PDE6B: variants seen among roughly 807,000 people sequenced by gnomAD.
PDE6B encodes rod cGMP-specific 3',5'-cyclic phosphodiesterase subunit beta.
A neutral mutation model predicts 109.0 loss-of-function variants in PDE6B; 106 were observed. The observed-to-expected ratio is 0.97, with a 90% CI of 0.83 to 1.14. The LOEUF (loss-of-function observed/expected upper bound fraction) is 1.14, where lower values mean the gene tolerates loss of function less well. Ranked by LOEUF, PDE6B falls within the 50% of genes most tolerant of loss-of-function variation. The probability of loss-of-function intolerance (pLI) is 0.00; values close to 1 mark genes in which losing one functional copy is unlikely to be tolerated. For missense variants in PDE6B, 1,193 were observed against 1,155.6 expected (o/e 1.03, Z -0.47); for synonymous variants, 490 against 471.3 (o/e 1.04, Z -0.51).
At position 636,741 on chromosome 4, in the gene PDE6B, C is replaced by T. The variant is rs960708970; in HGVS notation, c.711+772C>T. 4.6e-5 allele frequency among the ~76,000 whole-genome samples: 7 copies of T among 152,180 alleles called. No homozygotes were observed. The highest frequency in any genetic ancestry group is 2.6e-4 in the Admixed American group (4 of 15,286). On this transcript the variant is annotated intron_variant, in intron 3 of 21. Transcript: ENST00000496514. This position sits in a 1 kb window ranked among gnomAD's most constrained non-coding sequence, Gnocchi z 4.5. Reference sequence around the variant, plus strand: ...GGTCACCTGCTGCGAGCCTGCTGAACGTGGCGAGAGGCTGAGGTCTTTATC... The same window carrying T: ...GGTCACCTGCTGCGAGCCTGCTGAATGTGGCGAGAGGCTGAGGTCTTTATC...
At position 662,800 on chromosome 4, in the gene PDE6B, G is replaced by A. The variant is rs1737268588; in HGVS notation, c.1832+182G>A. Reference sequence around the variant, plus strand: ...AGCCCAGGAGTTCGAGACCAGCCTGGGCAACATGGCAAGAGCTCTCCTCTA... The same window carrying A: ...AGCCCAGGAGTTCGAGACCAGCCTGAGCAACATGGCAAGAGCTCTCCTCTA... On this transcript the variant is annotated intron_variant, in intron 14 of 21. Transcript: ENST00000496514. This position sits in a 1 kb window ranked among gnomAD's most constrained non-coding sequence, Gnocchi z 4.3. Among the ~76,000 whole-genome samples the A allele has an allele frequency of 6.6e-6, 1 of 150,766 alleles. No homozygotes were observed. The highest frequency in any genetic ancestry group is 1.5e-5 in the Non-Finnish European group (1 of 67,814).
At chr4:645,551 T>C (rs1048472826) in intron 3 of PDE6B, among the ~76,000 whole-genome samples, 7 of 151,974 alleles carry the variant, frequency 4.6e-5, no homozygotes, top group Non-Finnish European at 8.8e-5. Context: ...CGCCTCGGCC[T>C]CCCAAAGTGC....
At chr4:650,220 G>T (rs754606368) in intron 3 of PDE6B, among the ~76,000 whole-genome samples, 40 of 152,348 alleles carry the variant, frequency 2.6e-4, no homozygotes, top group Non-Finnish European at 4.3e-4. Context: ...CCTTGAAAAG[G>T]GGGTAGGTCC....
chr4:656,099 C>T, intron 7 of PDE6B, 93 bp downstream of exon 7: 1 of 1,036,386 alleles, frequency 9.6e-7, no homozygotes, highest in Non-Finnish European at 1.5e-6. Flanking sequence ...TCCCGCCCTC[C>T]CGGCCAGCTC....
Position 662,289 on chromosome 4 carries a change from C to A in PDE6B, c.1722+48C>A. The A allele has an allele frequency of 4.5e-6, 5 of 1,105,344 alleles. No individual in the cohort carries two copies. The highest frequency in any genetic ancestry group is 6.7e-6 in the Non-Finnish European group (5 of 740,912). The allele number at this position is 1,105,344 out of a possible 1,614,324, so 68.5% of individuals were successfully genotyped here. A position where few individuals can be genotyped will look rare whatever the true frequency, so the allele number is the denominator to read the frequency against. On this transcript the variant is annotated intron_variant, in intron 13 of 21. Transcript: ENST00000496514. The surrounding 1 kb of genome is among the most constrained non-coding windows in gnomAD (Gnocchi z 4.3). ...AGGGTTGTGCAGGCCCTCCTGGTAC[C>A]AAGGGCAGCACTCAAGCACCCCGAG... is the stretch of plus-strand genomic sequence containing the variant.
intron 3 of PDE6B, among the ~76,000 whole-genome samples, chr4:640,948 G>A (rs73219279): frequency 1.3e-5 from 2 of 152,352 alleles, no homozygotes; most frequent in Non-Finnish European, 2.9e-5. Context: ...TAGGTTTAGA[G>A]TAAGTCTTGA....
At chr4:629,258 C>T (rs1226823839) in intron 1 of PDE6B, among the ~76,000 whole-genome samples, 1 of 152,140 alleles carries the variant, frequency 6.6e-6, no homozygotes, top group Non-Finnish European at 1.5e-5. Context: ...GCAGGGACGC[C>T]GCCCACACCT....
chr4:640,398 G>T (rs1408142466), intron 3 of PDE6B, among the ~76,000 whole-genome samples: 1 of 151,998 alleles, frequency 6.6e-6, no homozygotes, highest in Non-Finnish European at 1.5e-5. Flanking sequence ...AATTAGCCAG[G>T]CATGGTGGCG....
At chr4:629,615 G>A (rs904903164) in intron 1 of PDE6B, among the ~76,000 whole-genome samples, 3 of 152,212 alleles carry the variant, frequency 2.0e-5, no homozygotes, top group Admixed American at 2.0e-4. Flanking sequence ...CTCATCACGG[G>A]GTCCTGCACG....
Position 664,161 on chromosome 4 carries a change from A to C in PDE6B, c.2069A>C (p.Gln690Pro), listed in dbSNP as rs1560135667. 2 of 1,612,168 alleles carry C rather than the reference A, an allele frequency of 1.2e-6. No individual in the cohort carries two copies. The highest frequency in any genetic ancestry group is 3.3e-5 in the Admixed American group (2 of 60,016). ...QKIVDESKNYQDKKSWVEYLS... is the reference protein window; with the variant it reads ...QKIVDESKNYPDKKSWVEYLS... ...ATCGTGGATGAGTCCAAGAACTACC[A>C]GGACAAGAAGAGCTGGGTGGAGTAC... Residue 690 changes from glutamine to proline, a missense_variant, in exon 17 of 22, where the codon CAG becomes CCG. Transcript: ENST00000496514.
chr4:654,958 A>G, intron 6 of PDE6B, 70 bp downstream of exon 6: 2 of 926,982 alleles, frequency 2.2e-6, no homozygotes, highest in Non-Finnish European at 3.6e-6. Flanking sequence ...CTCAGCCCCC[A>G]GGGCCGTCCT....
At chr4:654,232 AG>A (rs1735908298) in intron 5 of PDE6B, 78 bp downstream of exon 5, 1 of 1,106,926 alleles carries the variant, frequency 9.0e-7, no homozygotes. Context: ...CAGGAGAGGG[AG>A]GGATAGGGGT....
Position 662,596 on chromosome 4 carries a change from A to G in PDE6B, c.1810A>G (p.Thr604Ala). The G allele has an allele frequency of 2.5e-6, 4 of 1,610,750 alleles. No individual in the cohort carries two copies. Among genetic ancestry groups the G allele is most frequent in the Non-Finnish European group, 3.4e-6 (4 of 1,177,738 alleles). The change falls in exon 14 of 22, where the codon ACC becomes GCC. Residue 604 changes from threonine to alanine, a missense_variant. Thr to Ala is a moderately conservative substitution (Grantham distance 58). Coordinates refer to ENST00000496514, the MANE Select transcript of PDE6B (RefSeq NM_000283.4). The surrounding 1 kb of genome is among the most constrained non-coding windows in gnomAD (Gnocchi z 4.3). The part of the protein sequence containing the change: ...GLCHDIDHRG[T>A]NNLYQMKSQN... ...GTGCCATGACATCGACCACCGCGGC[A>G]CCAACAACCTGTACCAGATGAAGTA...
At chr4:634,270 C>T (rs1734531632) in intron 1 of PDE6B, among the ~76,000 whole-genome samples, 1 of 152,160 alleles carries the variant, frequency 6.6e-6, no homozygotes, top group East Asian at 1.9e-4. Flanking sequence ...GAGTGTCCTG[C>T]AGGGGGCTGA....
rs931942708 is a variant in PDE6B at position 665,167 on chromosome 4, G to A, written c.2194-88G>A. 3.8e-6 allele frequency: 4 copies of A among 1,042,654 alleles called. No individual in the cohort carries two copies. Among genetic ancestry groups the A allele is most frequent in the Non-Finnish European group, 6.0e-6 (4 of 670,554 alleles). 64.6% of individuals were successfully genotyped at this position (1,042,654 alleles called of 1,614,324 possible). ...GACCCCGGGGGTCTGGGGCGGAGAA[G>A]ACCGAGGCTCGGAGCCTCACGGGGC... On this transcript the variant is annotated intron_variant, in intron 18 of 21. Transcript: ENST00000496514. The surrounding 1 kb of genome is among the most constrained non-coding windows in gnomAD (Gnocchi z 4.0).
Position 625,712 on chromosome 4 carries a change from C to G in PDE6B, c.86C>G (p.Pro29Arg), listed in dbSNP as rs749166835. 9.9e-6 allele frequency: 16 copies of G among 1,613,734 alleles called. No individual in the cohort carries two copies. Among genetic ancestry groups the G allele is most frequent in the Non-Finnish European group, 1.3e-5 (15 of 1,179,992 alleles). Residue 29 changes from proline to arginine, a missense_variant, in exon 1 of 22, where the codon CCT (proline) becomes CGT (arginine). By Grantham distance (103) the Pro-to-Arg change is moderately radical. Transcript: ENST00000496514. This position sits in a 1 kb window ranked among gnomAD's most constrained non-coding sequence, Gnocchi z 5.0. Reference sequence around the variant, plus strand: ...CAGTACTTTGGGAAGAAACTGAGCCCTGAGAATGTGGCCGCGGCCTGCGAG... The same window carrying G: ...CAGTACTTTGGGAAGAAACTGAGCCGTGAGAATGTGGCCGCGGCCTGCGAG... ...ARQYFGKKLS[P>R]ENVAAACEDG...
rs765768435 is a variant in PDE6B at position 664,865 on chromosome 4, CG to C, written c.2130-14del. 2.5e-6 allele frequency: 4 copies of C among 1,610,894 alleles called. No individual in the cohort carries two copies. The highest frequency in any genetic ancestry group is 1.6e-4 in the Middle Eastern group (1 of 6,068). On this transcript the variant is annotated splice_polypyrimidine_tract_variant and intron_variant, in intron 17 of 21. Coordinates refer to ENST00000496514, the MANE Select transcript of PDE6B (RefSeq NM_000283.4). ...GGAGACGCCCATCAGCACTCGTGCCCGGTTTGTGTCTGCAGGGCCATGATGA... is the reference window on the plus strand; with the variant it reads ...GGAGACGCCCATCAGCACTCGTGCCCGTTTGTGTCTGCAGGGCCATGATGA...
intron 2 of PDE6B, among the ~76,000 whole-genome samples, chr4:635,433 ACCTG>A (rs1322622883): frequency 3.1e-5 from 2 of 64,062 alleles, no homozygotes; most frequent in African/African-American, 7.4e-5. Flanking sequence ...CCACCTCCTT[ACCTG>A]CCTGCCTGCC....
At chr4:635,732 G>T (rs1158612053) in intron 2 of PDE6B, 148 bp from the exon 3 acceptor site, 1 of 700,254 alleles carries the variant, frequency 1.4e-6, no homozygotes, top group East Asian at 2.7e-5. Flanking sequence ...CTGAGCTTGT[G>T]TGTGCCAATC....
Sources: allele counts gnomAD v4.1 joint callset (sites outside exome capture counted in the v4.1 genomes callset), GRCh38; gene constraint gnomAD v4.1.1; non-coding constraint Gnocchi (gnomAD v3.1); transcripts MANE v1.5; gene names NCBI Gene and HGNC (gene_info 2026-07-23, HGNC 2026-07-21).